Variants in C1orf159 observed in about 807,000 individuals in gnomAD.
C1orf159 encodes the protein chromosome 1 open reading frame 159, also known as uncharacterized protein C1orf159.
In C1orf159, 19 loss-of-function variants were observed where a neutral mutation model predicts 25.6. The observed-to-expected ratio is 0.74, with a 90% CI of 0.52 to 1.09. The LOEUF (loss-of-function observed/expected upper bound fraction) is 1.09. Among genes scored for constraint, C1orf159 ranks in the 50% least tolerant of loss-of-function variants. The pLI, the probability that C1orf159 is intolerant of heterozygous loss-of-function variation, is 0.00. For synonymous variants in C1orf159, 139 were observed against 124.7 expected, an observed-to-expected ratio of 1.12 and a Z score of -0.77; for missense variants, 274 against 290.6, an observed-to-expected ratio of 0.94 and a Z score of 0.42.
chr1:1,103,283 GC>G (rs1348325767), intron 1 of C1orf159, among the ~76,000 whole-genome samples: 1 of 152,164 alleles, frequency 6.6e-6, no homozygotes, highest in Non-Finnish European at 1.5e-5. Flanking sequence ...GCTCCAAAGT[GC>G]TTTTTTGACT....
intron 1 of C1orf159, among the ~76,000 whole-genome samples, chr1:1,112,253 C>CA (rs1351679186): frequency 6.6e-6 from 1 of 152,222 alleles, no homozygotes; most frequent in African/African-American, 2.4e-5. Flanking sequence ...AGGAACTGGG[C>CA]GAGTTGGCTC....
At chr1:1,094,679 C>T (rs1383638744) in intron 1 of C1orf159, among the ~76,000 whole-genome samples, 2 of 152,222 alleles carry the variant, frequency 1.3e-5, no homozygotes, top group African/African-American at 4.8e-5. Context: ...GGATTACAGG[C>T]ATGAGCCACC....
intron 1 of C1orf159, among the ~76,000 whole-genome samples, chr1:1,099,584 G>A (rs200526544): frequency 6.9e-6 from 1 of 144,552 alleles, no homozygotes; most frequent in African/African-American, 2.6e-5. Flanking sequence ...GACTATGATT[G>A]TGGGTTGTCT....
Position 1,087,072 on chromosome 1 carries a change from C to T in C1orf159, c.310+67G>A. On this transcript the variant is annotated intron_variant, in intron 6 of 9. Coordinates refer to ENST00000421241, the MANE Select transcript of C1orf159 (RefSeq NM_017891.5). This position sits in a 1 kb window ranked among gnomAD's most constrained non-coding sequence, Gnocchi z 8.3. ...TGGCTGCGTCAAGGGTGAGGGTCTG[C>T]ACTGGCTCCGACGGCCCCCAGCCCC... 6.8e-7 allele frequency: 1 copy of T among 1,475,612 alleles called. No homozygotes were observed. The highest frequency in any genetic ancestry group is 9.3e-7 in the Non-Finnish European group (1 of 1,077,416). The allele number at this position is 1,475,612 out of a possible 1,614,324, so 91.4% of individuals were successfully genotyped here. A position where few individuals can be genotyped will look rare whatever the true frequency, so the allele number is the denominator to read the frequency against.
At chr1:1,104,623 C>T (rs557959515) in intron 1 of C1orf159, among the ~76,000 whole-genome samples, 2 of 152,300 alleles carry the variant, frequency 1.3e-5, no homozygotes, top group Admixed American at 1.3e-4. Context: ...AGGTGCTCAA[C>T]TCTGGGCAGT....
chr1:1,097,672 C>T (rs1345455487), intron 1 of C1orf159, among the ~76,000 whole-genome samples: 4 of 151,618 alleles, frequency 2.6e-5, no homozygotes, highest in African/African-American at 9.7e-5. Context: ...GTCCTCCCAC[C>T]TATGCCTCCC....
intron 1 of C1orf159, among the ~76,000 whole-genome samples, chr1:1,101,990 T>G (rs1646106628): frequency 6.9e-6 from 1 of 144,608 alleles, no homozygotes; most frequent in South Asian, 2.1e-4. Flanking sequence ...GAGAATCGCT[T>G]GAACTGGGAG....
In C1orf159 at chr1:1,082,347, C is replaced by T; in HGVS notation, c.*546G>A. The T allele has an allele frequency of 6.2e-6, 1 of 162,210 alleles. No homozygotes were observed. Among genetic ancestry groups the T allele is most frequent in the Admixed American group, 5.7e-5 (1 of 17,430 alleles). 10.0% of individuals were successfully genotyped at this position (162,210 alleles called of 1,614,324 possible). ...GGGTCTCCGCCACGCGGGAGGACAG[C>T]CCAGAGGCACCCTGGTCTCAGGCAG... On this transcript the variant is annotated 3_prime_UTR_variant, in exon 10 of 10. Transcript: ENST00000421241.
At position 1,083,881 on chromosome 1, in the gene C1orf159, T is replaced by G. The variant is rs1433546600; in HGVS notation, c.502+472A>C. The G allele has an allele frequency of 3.9e-6, 6 of 1,531,234 alleles. No individual in the cohort carries two copies. In the Admixed American group the frequency reaches 1.2e-4, roughly 30 times the overall value. 94.9% of individuals were successfully genotyped at this position (1,531,234 alleles called of 1,614,324 possible). On this transcript the variant is annotated intron_variant, in intron 9 of 9. Coordinates refer to ENST00000421241, the MANE Select transcript of C1orf159 (RefSeq NM_017891.5). ...GGCTGTGCGCCGGTCACTCAGCCTG[T>G]GTCTGTGGCCCCGCACATAAAATGG... is the stretch of plus-strand genomic sequence containing the variant.
At chr1:1,083,974 G>A (rs1221004209) in intron 9 of C1orf159, 5 of 1,604,702 alleles carry the variant, frequency 3.1e-6, no homozygotes, top group Non-Finnish European at 4.3e-6. Flanking sequence ...GCTCAGGAGG[G>A]CCTGGCGGAG....
In C1orf159 at chr1:1,094,786, A is replaced by G. The variant is rs558433540; in HGVS notation, c.-135-2683T>C. On this transcript the variant is annotated intron_variant, in intron 1 of 9. Transcript: ENST00000421241. ...ATTTTTAATAAAATTGAATGCATCC[A>G]TTTTTCCTTTTGTGGTTCTTGTTTT... Among the ~76,000 whole-genome samples the G allele has an allele frequency of 5.9e-5, 9 of 151,930 alleles. No homozygotes were observed. In the East Asian group the frequency reaches 1.7e-3, roughly 29 times the overall value.
chr1:1,084,577 C>T (rs556125581), intron 7 of C1orf159, 71 bp from the exon 8 acceptor site: 187 of 1,535,922 alleles, frequency 1.2e-4, no homozygotes, highest in East Asian at 6.1e-4. Flanking sequence ...GTGCAGCGTC[C>T]GGGACAGCAG....
intron 1 of C1orf159, among the ~76,000 whole-genome samples, chr1:1,096,358 G>A (rs1000327601): frequency 7.9e-5 from 12 of 151,214 alleles, no homozygotes; most frequent in African/African-American, 2.7e-4. Context: ...TTTGTACACA[G>A]GGTCTCACTA....
chr1:1,084,211 G>A, intron 9 of C1orf159, 142 bp downstream of exon 9: 2 of 1,521,854 alleles, frequency 1.3e-6, no homozygotes, highest in South Asian at 1.3e-5. Flanking sequence ...GCCCTGCCTT[G>A]TGGGTGGGTC....
intron 1 of C1orf159, chr1:1,106,513 ACT>A (rs1646172832): frequency 6.6e-6 from 1 of 152,264 alleles, no homozygotes; most frequent in Non-Finnish European, 1.5e-5. Flanking sequence ...CCGCAACTTT[ACT>A]TGTGGTTCTA....
At chr1:1,098,808 C>T (rs766373258) in intron 1 of C1orf159, among the ~76,000 whole-genome samples, 16 of 152,132 alleles carry the variant, frequency 1.1e-4, no homozygotes, top group African/African-American at 1.9e-4. Context: ...GATGGGGTTT[C>T]GCCATGTTGG....
At chr1:1,107,564 C>G (rs1284942125) in intron 1 of C1orf159, among the ~76,000 whole-genome samples, 2 of 152,198 alleles carry the variant, frequency 1.3e-5, no homozygotes, top group Non-Finnish European at 2.9e-5. Flanking sequence ...AAATATCATT[C>G]TGTGTCTAGC....
At chr1:1,104,724 G>T (rs1241121105) in intron 1 of C1orf159, among the ~76,000 whole-genome samples, 1 of 151,990 alleles carries the variant, frequency 6.6e-6, no homozygotes, top group Non-Finnish European at 1.5e-5. Flanking sequence ...GAGCCCAGGA[G>T]TTCGAAGCCG....
chr1:1,084,127 G>A (rs1324816837), intron 9 of C1orf159: 1 of 1,564,482 alleles, frequency 6.4e-7, no homozygotes, highest in East Asian at 2.3e-5. Flanking sequence ...GGGGATTAAA[G>A]GGGGGCGGGC....
Sources: allele counts gnomAD v4.1 joint callset (sites outside exome capture counted in the v4.1 genomes callset), GRCh38; gene constraint gnomAD v4.1.1; non-coding constraint Gnocchi (gnomAD v3.1); transcripts MANE v1.5; gene names NCBI Gene and HGNC (gene_info 2026-07-23, HGNC 2026-07-21).